The following TRHDE variants were observed in gnomAD, a reference collection of about 807,000 sequenced individuals.
The protein encoded by TRHDE is thyrotropin-releasing hormone-degrading ectoenzyme.
TRHDE carries 72 observed loss-of-function variants against 125.7 expected under a neutral mutation model. That is an observed-to-expected ratio of 0.57 (90% confidence interval 0.47 to 0.70). TRHDE has a LOEUF of 0.70. Ranked by LOEUF, TRHDE falls within the 30% of genes least tolerant of loss-of-function variation. The probability of loss-of-function intolerance (pLI) is 0.00; values close to 1 mark genes in which losing one functional copy is unlikely to be tolerated. For missense variants in TRHDE, 1,110 were observed against 1,327.1 expected (o/e 0.84, Z 2.54); for synonymous variants, 509 against 509.1 (o/e 1.00, Z 0.00).
At chr12:72,652,963 A>G (rs1415645365) in intron 16 of TRHDE, 53 bp from the exon 17 acceptor site, 9 of 1,484,368 alleles carry the variant, frequency 6.1e-6, no homozygotes, top group Non-Finnish European at 8.3e-6. Context: ...GTAAGATTAT[A>G]AAAATGTTTA....
chr12:72,568,474 A>C lies in TRHDE; in HGVS notation c.2043-94A>C, dbSNP rs538152197. 17 of 807,310 alleles carry C rather than the reference A, an allele frequency of 2.1e-5. No individual in the cohort carries two copies. The African/African-American group carries it at 2.2e-4, about 11-fold the overall frequency. The allele number at this position is 807,310 out of a possible 1,614,324, so 50.0% of individuals were successfully genotyped here. On this transcript the variant is annotated intron_variant, in intron 9 of 18. Transcript: ENST00000261180. ...TTTTTTTAGTTCACCTAATGAGAGT[A>C]ATAAAAATCACACAGAAGGCGCATG...
chr12:72,146,713 A>G (rs1233573631), intron 2 of TRHDE, among the ~76,000 whole-genome samples: 1 of 152,200 alleles, frequency 6.6e-6, no homozygotes, highest in Non-Finnish European at 1.5e-5. Flanking sequence ...AAGCTCTTTC[A>G]GCTTTGCCGT....
chr12:72,637,301 G>A (rs1190126866), intron 15 of TRHDE, among the ~76,000 whole-genome samples: 1 of 152,140 alleles, frequency 6.6e-6, no homozygotes, highest in Non-Finnish European at 1.5e-5. Flanking sequence ...AGAGGTGTTT[G>A]TAATATTCTC....
At chr12:72,634,915 G>C (rs1246805139) in intron 15 of TRHDE, among the ~76,000 whole-genome samples, 1 of 152,060 alleles carries the variant, frequency 6.6e-6, no homozygotes, top group African/African-American at 2.4e-5. Context: ...TGGACCTTTG[G>C]GTTGGTTCCA....
At position 72,668,860 on chromosome 12, in the gene TRHDE, A is replaced by T. The variant is rs1875182138; in HGVS notation, c.*5665A>T. ...TCAAACTAGTCATTAATCTGCCCTC[A>T]GCATGTATGAAAACATAATGTTTAT... On this transcript the variant is annotated 3_prime_UTR_variant, in exon 19 of 19. Transcript: ENST00000261180. 6.6e-6 allele frequency: 1 copy of T among 151,896 alleles called. No homozygotes were observed. Among genetic ancestry groups the T allele is most frequent in the Non-Finnish European group, 1.5e-5 (1 of 67,870 alleles). The allele number at this position is 151,896 out of a possible 1,614,324, so 9.4% of individuals were successfully genotyped here.
intron 12 of TRHDE, among the ~76,000 whole-genome samples, chr12:72,594,342 G>A (rs1871828111): frequency 6.6e-6 from 1 of 151,720 alleles, no homozygotes; most frequent in Non-Finnish European, 1.5e-5. Flanking sequence ...ATCTAGACCA[G>A]CCTGACCACT....
Position 72,652,454 on chromosome 12 carries a change from C to T in TRHDE, c.2808C>T (p.Ala936=). The change falls in exon 16 of 19, where the codon GCC becomes GCT. Residue 936 remains alanine (A), a synonymous_variant. Coordinates refer to ENST00000261180, the MANE Select transcript of TRHDE (RefSeq NM_013381.3). ...AVSEKKILLE[A]LTCSDDRNLL... is the part of the protein sequence containing the mutation. Reference sequence around the variant, plus strand: ...CTGAGAAGAAAATATTATTGGAAGCCTTAACTTGCAGTGATGACAGGAATT... The same window carrying T: ...CTGAGAAGAAAATATTATTGGAAGCTTTAACTTGCAGTGATGACAGGAATT... 6.2e-7 allele frequency: 1 copy of T among 1,607,834 alleles called. No individual in the cohort carries two copies. The highest frequency in any genetic ancestry group is 8.5e-7 in the Non-Finnish European group (1 of 1,176,800).
At chr12:72,262,546 G>A (rs1016102887) in intron 2 of TRHDE, 18 of 152,164 alleles carry the variant, frequency 1.2e-4, no homozygotes, top group Admixed American at 5.9e-4. Context: ...AACACTGCAA[G>A]TTAGCATAGT....
chr12:72,403,125 C>T (rs573119929), intron 3 of TRHDE, among the ~76,000 whole-genome samples: 3 of 152,146 alleles, frequency 2.0e-5, no homozygotes, highest in Non-Finnish European at 2.9e-5. Flanking sequence ...CATACATGCA[C>T]ACATGGGCCT....
chr12:72,399,017 C>A (rs76164512), intron 3 of TRHDE, among the ~76,000 whole-genome samples: 1 of 152,204 alleles, frequency 6.6e-6, no homozygotes, highest in East Asian at 1.9e-4. Flanking sequence ...AGAGCTCTGC[C>A]TCCTCTCAGA....
intron 2 of TRHDE, among the ~76,000 whole-genome samples, chr12:72,107,816 C>A (rs1038394654): frequency 2.1e-5 from 3 of 143,648 alleles, no homozygotes; most frequent in Non-Finnish European, 3.0e-5. Flanking sequence ...CCTGTTTAGA[C>A]ATTTTTTGAA....
At chr12:72,468,203 G>A (rs571245904) in intron 3 of TRHDE, among the ~76,000 whole-genome samples, 3 of 152,152 alleles carry the variant, frequency 2.0e-5, no homozygotes. Flanking sequence ...ACAACACATG[G>A]TGTTATTCTA....
At chr12:72,309,408 C>T (rs1156375985) in intron 2 of TRHDE, among the ~76,000 whole-genome samples, 3 of 151,946 alleles carry the variant, frequency 2.0e-5, no homozygotes, top group African/African-American at 7.3e-5. Flanking sequence ...GATTTTGAAA[C>T]TACTGGAAAG....
At chr12:72,198,697 C>G (rs1877493067) in intron 2 of TRHDE, among the ~76,000 whole-genome samples, 1 of 152,084 alleles carries the variant, frequency 6.6e-6, no homozygotes, top group Non-Finnish European at 1.5e-5. Flanking sequence ...CTTATTTTCT[C>G]ATTTGTAAAA....
At chr12:72,530,847 AT>A (rs774815528) in intron 6 of TRHDE, among the ~76,000 whole-genome samples, 1 of 152,016 alleles carries the variant, frequency 6.6e-6, no homozygotes, top group Non-Finnish European at 1.5e-5. Context: ...AATAATGGGT[AT>A]TTGATATTAT....
chr12:72,453,967 T>A (rs1214632757), intron 3 of TRHDE, among the ~76,000 whole-genome samples: 1 of 152,238 alleles, frequency 6.6e-6, no homozygotes, highest in African/African-American at 2.4e-5. Flanking sequence ...CTTCCAAGAA[T>A]TTATACCTTT....
chr12:72,588,406 G>C (rs974476078), intron 12 of TRHDE, among the ~76,000 whole-genome samples: 1 of 152,178 alleles, frequency 6.6e-6, no homozygotes, highest in Non-Finnish European at 1.5e-5. Flanking sequence ...TGCTTGGCAT[G>C]TTTAAGAAAA....
intron 2 of TRHDE, among the ~76,000 whole-genome samples, chr12:72,213,383 T>C (rs946567419): frequency 1.8e-4 from 28 of 152,274 alleles, no homozygotes; most frequent in African/African-American, 6.0e-4. Context: ...AAAGTATCTT[T>C]TGAGTGCATC....
Position 72,539,875 on chromosome 12 carries a change from C to T in TRHDE, c.1723-2416C>T, listed in dbSNP as rs182401125. On this transcript the variant is annotated intron_variant, in intron 6 of 18. Coordinates refer to ENST00000261180, the MANE Select transcript of TRHDE (RefSeq NM_013381.3). ...TATGTCTACTTTTCATAAAGCTACT[C>T]GGGCTTCCTAAATGTCCAGTTTGTT... Among the ~76,000 whole-genome samples the T allele has an allele frequency of 5.2e-4, 79 of 151,854 alleles. 1 individual carries two copies. Among genetic ancestry groups the T allele is most frequent in the African/African-American group, 1.5e-3 (61 of 41,516 alleles).
Sources: gnomAD v4.1 joint callset for allele counts (sites outside exome capture counted in the v4.1 genomes callset) on GRCh38, gnomAD v4.1.1 for gene constraint, MANE v1.5 for transcripts, NCBI Gene and HGNC (gene_info 2026-07-23, HGNC 2026-07-21) for gene names.